Variants in KIF17 observed in about 807,000 individuals in gnomAD.
KIF17 encodes kinesin-like protein KIF17.
Under a neutral mutation model 96.8 loss-of-function variants are expected in KIF17, and 80 were observed. That is an observed-to-expected ratio of 0.83 (90% CI 0.69 to 1.00). The LOEUF is 1.00. Ranked by LOEUF, KIF17 falls within the 50% of genes least tolerant of loss-of-function variation. The pLI, the probability that KIF17 is intolerant of heterozygous loss-of-function variation, is 0.00. For missense variants in KIF17, 1,280 were observed against 1,372.9 expected (o/e 0.93, Z 1.07); for synonymous variants, 567 against 587.5 (o/e 0.97, Z 0.51).
chr1:20,680,523 G>A (rs772412540), intron 11 of KIF17, among the ~76,000 whole-genome samples: 5 of 152,154 alleles, frequency 3.3e-5, no homozygotes, highest in Non-Finnish European at 7.3e-5. Flanking sequence ...GTTATGGTGA[G>A]CTATGATCGT....
At chr1:20,711,781 G>A (rs2054441070) in intron 3 of KIF17, among the ~76,000 whole-genome samples, 1 of 152,168 alleles carries the variant, frequency 6.6e-6, no homozygotes, top group African/African-American at 2.4e-5. Flanking sequence ...TGTTAAGCAC[G>A]GGTTAAGAGT....
intron 13 of KIF17, among the ~76,000 whole-genome samples, chr1:20,669,861 T>C (rs1389960018): frequency 2.6e-5 from 1 of 38,190 alleles, no homozygotes; most frequent in Non-Finnish European, 4.7e-5. Context: ...CGAGACTCCA[T>C]CTCAAAAAAA....
chr1:20,682,806 G>A lies in KIF17; in HGVS notation c.2310C>T (p.Arg770=), dbSNP rs781018860. The change falls in exon 11 of 15, where the codon CGC becomes CGT. Residue 770 remains arginine (R), a synonymous_variant. Transcript: ENST00000400463. ...NKDLKEKHKR[R]KRYADERRKQ... is the part of the protein sequence containing the mutation. ...TCCTGCGCTCGTCTGCGTAGCGCTT[G>A]CGCCGCTTGTGCTTCTCCTTCAGGT... The A allele has an allele frequency of 1.2e-6, 2 of 1,612,726 alleles. No individual in the cohort carries two copies. Among genetic ancestry groups the A allele is most frequent in the East Asian group, 4.5e-5 (2 of 44,882 alleles).
chr1:20,685,003 C>T lies in KIF17; in HGVS notation c.2037G>A (p.Ser679=), dbSNP rs140931562. The T allele has an allele frequency of 3.0e-5, 48 of 1,598,986 alleles. No individual in the cohort carries two copies. The highest frequency in any genetic ancestry group is 3.3e-4 in the Middle Eastern group (2 of 6,068). The change falls in exon 10 of 15, where the codon TCG becomes TCA. Residue 679 remains serine (S), a synonymous_variant. Transcript: ENST00000400463. This position sits in a 1 kb window ranked among gnomAD's most constrained non-coding sequence, Gnocchi z 4.1. ...FPPRPEVDLA[S]EVALEVVRTA... is the part of the protein sequence containing the mutation. ...TCCGCACCACCTCTAAGGCCACTTC[C>T]GAGGCCAGATCTACCTCCTGAGTGT...
chr1:20,684,109 T>C (rs987647805), intron 10 of KIF17, among the ~76,000 whole-genome samples: 2 of 152,374 alleles, frequency 1.3e-5, no homozygotes, highest in East Asian at 1.9e-4. Context: ...AGGTTGCAAG[T>C]TGGCCCGAGG....
At chr1:20,675,778 T>C (rs930649231) in intron 11 of KIF17, among the ~76,000 whole-genome samples, 10 of 152,246 alleles carry the variant, frequency 6.6e-5, no homozygotes, top group African/African-American at 2.2e-4. Context: ...CTCACCAATA[T>C]GAGTCTGCCA....
chr1:20,702,114 G>A (rs1194782578), intron 5 of KIF17, among the ~76,000 whole-genome samples: 2 of 152,150 alleles, frequency 1.3e-5, no homozygotes, highest in South Asian at 2.1e-4. Context: ...CATGACCTCA[G>A]GCAATTTTCC....
chr1:20,666,380 G>A (rs1166397864), intron 13 of KIF17, 49 bp from the exon 14 acceptor site: 1 of 1,444,248 alleles, frequency 6.9e-7, no homozygotes, highest in East Asian at 2.3e-5. Context: ...TTGTGCCCCT[G>A]GCACAGGGCT....
In KIF17 at chr1:20,682,712, C is replaced by A. The variant is rs150132550; in HGVS notation, c.2404G>T (p.Asp802Tyr). Residue 802 changes from aspartate (D) to tyrosine (Y), a missense_variant, in exon 11 of 15, where the codon GAC (aspartate) becomes TAC (tyrosine). By Grantham distance (160) the Asp-to-Tyr change is radical. Transcript: ENST00000400463. Reference protein sequence around the residue: ...SGDWVLLNVYDSIQEEVRAKS... With the variant: ...SGDWVLLNVYYSIQEEVRAKS... ...GCCCGCACTTCCTCCTGGATGGAGT[C>A]GTAGACGTTAAGCAGCACCCAGTCC... is the stretch of plus-strand genomic sequence containing the variant. 1 of 1,613,882 alleles carries A rather than the reference C, an allele frequency of 6.2e-7. No homozygotes were observed. The highest frequency in any genetic ancestry group is 2.2e-5 in the East Asian group (1 of 44,892).
intron 2 of KIF17, 44 bp downstream of exon 2, chr1:20,715,449 A>G: frequency 6.2e-7 from 1 of 1,604,710 alleles, no homozygotes. Context: ...CTCTGGGCCC[A>G]GCTGCAGCTC....
chr1:20,714,488 T>TCAAAAA (rs1247508708), intron 2 of KIF17, among the ~76,000 whole-genome samples: 2 of 150,678 alleles, frequency 1.3e-5, no homozygotes, highest in African/African-American at 4.9e-5. Flanking sequence ...AGACTCCGTC[T>TCAAAAA]CAAAAACAAA....
rs2054214468 is a variant in KIF17 at position 20,700,475 on chromosome 1, T to G, written c.1124-1987A>C. Among the ~76,000 whole-genome samples, 1 of 152,222 alleles carries G rather than the reference T, an allele frequency of 6.6e-6. No homozygotes were observed. Among genetic ancestry groups the G allele is most frequent in the Non-Finnish European group, 1.5e-5 (1 of 68,036 alleles). On this transcript the variant is annotated intron_variant, in intron 5 of 14. Coordinates refer to ENST00000400463, the MANE Select transcript of KIF17 (RefSeq NM_001122819.3). This position sits in a 1 kb window ranked among gnomAD's most constrained non-coding sequence, Gnocchi z 4.6. ...CAGGGGCGACCCCAAGTGTCTGGTT[T>G]GAACACCTGAGTTGCCTCTGTCAGC...
chr1:20,692,773 TTTC>T (rs1441492393), intron 6 of KIF17: 1 of 118,200 alleles, frequency 8.5e-6, no homozygotes, highest in Non-Finnish European at 1.7e-5. Context: ...TGTGGGACTC[TTTC>T]TTTTTTTTTT....
In KIF17 at chr1:20,691,158, G is replaced by A. The variant is rs546140873; in HGVS notation, c.1234-823C>T. Among the ~76,000 whole-genome samples, 8 of 151,936 alleles carry A rather than the reference G, an allele frequency of 5.3e-5. No homozygotes were observed. The South Asian group carries it at 6.3e-4, about 12-fold the overall frequency. Reference sequence around the variant, plus strand: ...CTAAAAATGCAAAAATTAGCCAAGCGTGGTGGCTTGCCTGTAATCTGTTAC... The same window carrying A: ...CTAAAAATGCAAAAATTAGCCAAGCATGGTGGCTTGCCTGTAATCTGTTAC... On this transcript the variant is annotated intron_variant, in intron 6 of 14. Coordinates refer to ENST00000400463, the MANE Select transcript of KIF17 (RefSeq NM_001122819.3).
intron 6 of KIF17, 74 bp downstream of exon 6, chr1:20,698,305 G>T (rs2054177336): frequency 9.8e-7 from 1 of 1,025,056 alleles, no homozygotes; most frequent in African/African-American, 1.6e-5. Flanking sequence ...TTGGACCCCA[G>T]CGGCAGCCCT....
Position 20,713,315 on chromosome 1 carries a change from A to T in KIF17, c.480+139T>A, listed in dbSNP as rs1012660689. ...CTGCCTAAAAAAGTTTTTTTTAATT[A>T]AAAAAAAAAAAAAAAGTCCCGACTC... On this transcript the variant is annotated intron_variant, in intron 3 of 14. Transcript: ENST00000400463. 7 of 154,082 alleles carry T rather than the reference A, an allele frequency of 4.5e-5. No homozygotes were observed. In the South Asian group the frequency reaches 4.6e-4, roughly 10 times the overall value. The allele number at this position is 154,082 out of a possible 1,614,324, so 9.5% of individuals were successfully genotyped here. A position where few individuals can be genotyped will look rare whatever the true frequency, so the allele number is the denominator to read the frequency against.
chr1:20,700,513 C>T lies in KIF17; in HGVS notation c.1124-2025G>A, dbSNP rs973660023. On this transcript the variant is annotated intron_variant, in intron 5 of 14. Transcript: ENST00000400463. This position sits in a 1 kb window ranked among gnomAD's most constrained non-coding sequence, Gnocchi z 4.6. ...TGCCTCTGTCAGCTGTTGGGGGGAGCTGCAGCCTAGCAGATTTGGGGGCCC... is the reference window on the plus strand; with the variant it reads ...TGCCTCTGTCAGCTGTTGGGGGGAGTTGCAGCCTAGCAGATTTGGGGGCCC... Among the ~76,000 whole-genome samples the T allele has an allele frequency of 6.6e-6, 1 of 152,208 alleles. No homozygotes were observed. The highest frequency in any genetic ancestry group is 2.4e-5 in the African/African-American group (1 of 41,442).
At chr1:20,710,742 G>A (rs1427505900) in intron 3 of KIF17, among the ~76,000 whole-genome samples, 3 of 152,140 alleles carry the variant, frequency 2.0e-5, no homozygotes, top group African/African-American at 7.2e-5. Context: ...GGGTCGGGGC[G>A]AGGCACAGCT....
chr1:20,712,357 G>A (rs2054452644), intron 3 of KIF17, among the ~76,000 whole-genome samples: 1 of 151,266 alleles, frequency 6.6e-6, no homozygotes, highest in Non-Finnish European at 1.5e-5. Context: ...GAGAGGGAAC[G>A]CAGTAGAAAA....
Sources: allele counts gnomAD v4.1 joint callset (sites outside exome capture counted in the v4.1 genomes callset), GRCh38; gene constraint gnomAD v4.1.1; non-coding constraint Gnocchi (gnomAD v3.1); transcripts MANE v1.5; gene names NCBI Gene and HGNC (gene_info 2026-07-23, HGNC 2026-07-21).